SLC16A8: variants seen among roughly 807,000 people sequenced by gnomAD.
SLC16A8 encodes monocarboxylate transporter 3.
In SLC16A8, 20 loss-of-function variants were observed where a neutral mutation model predicts 22.4. The observed-to-expected ratio is 0.89, with a 90% CI of 0.63 to 1.30. The LOEUF is 1.30. Among genes scored for constraint, SLC16A8 ranks in the 50% most tolerant of loss-of-function variants. The pLI is 0.00. For synonymous variants in SLC16A8, 393 were observed against 358.8 expected, an observed-to-expected ratio of 1.10 and a Z score of -1.08; for missense variants, 817 against 740.3, an observed-to-expected ratio of 1.10 and a Z score of -1.20.
intron 3 of SLC16A8, among the ~76,000 whole-genome samples, chr22:38,082,337 A>G (rs946212126): frequency 5.9e-5 from 9 of 152,322 alleles, no homozygotes; most frequent in African/African-American, 1.9e-4. Flanking sequence ...TGGGAACTCC[A>G]GCAAGCCCCC....
At position 38,081,076 on chromosome 22, in the gene SLC16A8, T is replaced by TA; in HGVS notation, c.961dup (p.Tyr321LeufsTer90). On this transcript the variant is annotated frameshift_variant, in exon 5 of 6. Coordinates refer to ENST00000681075, the MANE Select transcript of SLC16A8 (RefSeq NM_013356.3). LOFTEE classifies it high-confidence loss of function. ...GGCCAGCAGGGCCAGGCTGAACAGATACGGGACGTGCGGCCGCAGACGCGC... is the reference window on the plus strand; with the variant it reads ...GGCCAGCAGGGCCAGGCTGAACAGATAACGGGACGTGCGGCCGCAGACGCGC... The TA allele has an allele frequency of 6.4e-7, 1 of 1,573,458 alleles. No individual in the cohort carries two copies. Among genetic ancestry groups the TA allele is most frequent in the Non-Finnish European group, 8.6e-7 (1 of 1,164,060 alleles).
rs2085941184 is a variant in SLC16A8 at position 38,082,843 on chromosome 22, C to T, written c.31G>A (p.Gly11Ser). MGAGGPRRGE[G>S]PPDGGWGWVV... ...CAGCCCCAGCCGCCGTCTGGGGGGC[C>T]CTCGCCCCGCCGGGGGCCGCCAGCG... The change falls in exon 3 of 6, where the codon GGC becomes AGC. Residue 11 changes from glycine to serine, a missense_variant. Coordinates refer to ENST00000681075, the MANE Select transcript of SLC16A8 (RefSeq NM_013356.3). The T allele has an allele frequency of 6.4e-7, 1 of 1,561,914 alleles. No homozygotes were observed. The highest frequency in any genetic ancestry group is 8.6e-7 in the Non-Finnish European group (1 of 1,158,678).
chr22:38,083,476 G>T (rs998623469), intron 1 of SLC16A8, 115 bp from the exon 2 acceptor site: 1 of 152,328 alleles, frequency 6.6e-6, no homozygotes, highest in Non-Finnish European at 1.5e-5. Context: ...GACTTGGGCC[G>T]GTCGCCTCCC....
Position 38,082,821 on chromosome 22 carries a change from C to T in SLC16A8, c.53G>A (p.Gly18Asp). 6.3e-7 allele frequency: 1 copy of T among 1,582,234 alleles called. No homozygotes were observed. The highest frequency in any genetic ancestry group is 8.6e-7 in the Non-Finnish European group (1 of 1,168,592). The change falls in exon 3 of 6, where the codon GGC becomes GAC. Residue 18 changes from glycine (G) to aspartate (D), a missense_variant. Gly to Asp is a moderately conservative substitution (Grantham distance 94). Transcript: ENST00000681075. ...AAAGCAGGCGCCCAGCACCACCCAG[C>T]CCCAGCCGCCGTCTGGGGGGCCCTC... ...RGEGPPDGGW[G>D]WVVLGACFVV... is the part of the protein sequence containing the mutation.
rs1212400361 is a variant in SLC16A8, at chr22:38,078,661, G to A, written c.1242C>T (p.Tyr414=). The change falls in exon 6 of 6, where the codon TAC becomes TAT. Residue 414 remains tyrosine, a synonymous_variant. Coordinates refer to ENST00000681075, the MANE Select transcript of SLC16A8 (RefSeq NM_013356.3). ...DVLKNYEIIF[Y]LAGSEVALAG... ...CCAGGGCCACCTCAGAGCCGGCCAG[G>A]TAGAAGATGATCTCATAGTTCTTCA... The A allele has an allele frequency of 6.2e-7, 1 of 1,612,824 alleles. No homozygotes were observed. The highest frequency in any genetic ancestry group is 1.3e-5 in the African/African-American group (1 of 74,934).
In SLC16A8 at chr22:38,081,543, CT is replaced by C; in HGVS notation, c.494del (p.Gln165ArgfsTer30). On this transcript the variant is annotated frameshift_variant, in exon 5 of 6. Coordinates refer to ENST00000681075, the MANE Select transcript of SLC16A8 (RefSeq NM_013356.3). LOFTEE classifies it high-confidence loss of function. ...GCCAGCCGAAGCGCTCCAGCAGCTG[CT>C]GGCCGAGCGGCGACAGCGCGGACAG... is the stretch of plus-strand genomic sequence containing the variant. ...VFLSALSPLG[Q>X]QLLERFGWRG... The C allele has an allele frequency of 6.8e-7, 1 of 1,475,588 alleles. No homozygotes were observed. Among genetic ancestry groups the C allele is most frequent in the Admixed American group, 2.5e-5 (1 of 40,422 alleles). 91.4% of individuals were successfully genotyped at this position (1,475,588 alleles called of 1,614,324 possible).
intron 5 of SLC16A8, 51 bp downstream of exon 5, chr22:38,080,789 C>T (rs553875195): frequency 3.3e-5 from 48 of 1,434,604 alleles, no homozygotes; most frequent in Non-Finnish European, 4.3e-5. Context: ...TGGAGCTTCC[C>T]TGGGTCTAAG....
chr22:38,081,601 T>A lies in SLC16A8; in HGVS notation c.437A>T (p.Asn146Ile). Residue 146 changes from asparagine to isoleucine, a missense_variant, in exon 5 of 6, where the codon AAC becomes ATC. By Grantham distance (149) the Asn-to-Ile change is moderately radical. Coordinates refer to ENST00000681075, the MANE Select transcript of SLC16A8 (RefSeq NM_013356.3). ...LYFERRRPLA[N>I]GLAAAGSPVF... ...GGGGCTGCCCGCCGCCGCCAGCCCG[T>A]TGGCCAGAGGCCGCCGCCGCTCGAA... The A allele has an allele frequency of 6.6e-7, 1 of 1,518,484 alleles. No individual in the cohort carries two copies. Among genetic ancestry groups the A allele is most frequent in the Non-Finnish European group, 8.8e-7 (1 of 1,140,130 alleles). 94.1% of individuals were successfully genotyped at this position (1,518,484 alleles called of 1,614,324 possible).
At chr22:38,080,251 C>T (rs374733893) in intron 5 of SLC16A8, among the ~76,000 whole-genome samples, 1 of 152,286 alleles carries the variant, frequency 6.6e-6, no homozygotes, top group South Asian at 2.1e-4. Context: ...GGGGGATATT[C>T]CAGGAAGCCT....
rs201452730 is a variant in SLC16A8 at position 38,078,688 on chromosome 22, C to T, written c.1215G>A (p.Val405=). 16 of 1,606,850 alleles carry T rather than the reference C, an allele frequency of 1.0e-5. No individual in the cohort carries two copies. The highest frequency in any genetic ancestry group is 3.3e-4 in the Middle Eastern group (2 of 6,048). ...AGAAGATGATCTCATAGTTCTTCAA[C>T]ACATCCACCAGGCGGCCTGGGGAGG... is the stretch of plus-strand genomic sequence containing the variant. ...GPPSAGRLVD[V]LKNYEIIFYL... The change falls in exon 6 of 6, where the codon GTG becomes GTA. Residue 405 remains valine, a synonymous_variant. Transcript: ENST00000681075.
chr22:38,080,141 T>A (rs1479772371), intron 5 of SLC16A8, among the ~76,000 whole-genome samples: 1 of 151,966 alleles, frequency 6.6e-6, no homozygotes, highest in African/African-American at 2.4e-5. Flanking sequence ...AACCCTCATG[T>A]CCCCCACTCC....
rs546955144 is a variant in SLC16A8, at chr22:38,078,405, C to G, written c.1498G>C (p.Ala500Pro). The G allele has an allele frequency of 9.2e-5, 147 of 1,601,322 alleles. No individual in the cohort carries two copies. The highest frequency in any genetic ancestry group is 6.2e-4 in the Admixed American group (37 of 59,898). Residue 500 changes from alanine to proline, a missense_variant, in exon 6 of 6, where the codon GCT (alanine) becomes CCT (proline). Ala to Pro is a conservative substitution (Grantham distance 27). Coordinates refer to ENST00000681075, the MANE Select transcript of SLC16A8 (RefSeq NM_013356.3). ...ACCCTGAGTTATACAGACTCGGCAG[C>G]CAGCCTCGGCCTCGCCTCTATTTCT... ...EPEIEARPRL[A>P]AESV is the part of the protein sequence containing the mutation.
Position 38,081,000 on chromosome 22 carries a change from G to T in SLC16A8, c.1038C>A (p.Leu346=), listed in dbSNP as rs2085906708. The part of the protein sequence containing the change: ...SSARARSYGA[L]VAFCVAFGLS... ...GGCCGAAGGCGACGCAGAAGGCGAC[G>T]AGGGCGCCGTAGGAGCGCGCGCGTG... Residue 346 remains leucine (L), a synonymous_variant, in exon 5 of 6, where the codon CTC becomes CTA. Transcript: ENST00000681075. The T allele has an allele frequency of 1.3e-6, 2 of 1,598,656 alleles. No homozygotes were observed. The highest frequency in any genetic ancestry group is 1.3e-5 in the African/African-American group (1 of 75,014).
At position 38,079,851 on chromosome 22, in the gene SLC16A8, C is replaced by T. The variant is rs566623967; in HGVS notation, c.1198+989G>A. On this transcript the variant is annotated intron_variant, in intron 5 of 5. Transcript: ENST00000681075. ...CCAGATTCACACAAGAAATGGAAGACGGTTCCTTGAGGCCTGGGCAGGCTG... is the reference window on the plus strand; with the variant it reads ...CCAGATTCACACAAGAAATGGAAGATGGTTCCTTGAGGCCTGGGCAGGCTG... 1.1e-4 allele frequency among the ~76,000 whole-genome samples: 16 copies of T among 152,366 alleles called. No homozygotes were observed. In the East Asian group the frequency reaches 1.5e-3, roughly 15 times the overall value.
Position 38,081,295 on chromosome 22 carries a change from C to G in SLC16A8, c.743G>C (p.Cys248Ser), listed in dbSNP as rs776828980. ...GTACACGGCGAAGGCGCGGTCGGTG[C>G]ACACTGCCAAGTCCAGCAGGCGCCG... ...PRRRLLDLAV[C>S]TDRAFAVYAV... Residue 248 changes from cysteine to serine, a missense_variant, in exon 5 of 6, where the codon TGC (cysteine) becomes TCC (serine). Physicochemically the swap from Cys to Ser is moderately radical, Grantham distance 112 (BLOSUM62 -1). Transcript: ENST00000681075. 3.1e-5 allele frequency: 48 copies of G among 1,561,070 alleles called. No homozygotes were observed. Among genetic ancestry groups the G allele is most frequent in the Non-Finnish European group, 4.2e-5 (48 of 1,152,816 alleles).
At chr22:38,079,470 G>A (rs542615494) in intron 5 of SLC16A8, among the ~76,000 whole-genome samples, 61 of 152,256 alleles carry the variant, frequency 4.0e-4, no homozygotes, top group Non-Finnish European at 7.9e-4. Flanking sequence ...GGCCCAGGCT[G>A]GAATGTAGTG....
At chr22:38,083,536 C>T (rs544775096) in intron 1 of SLC16A8, among the ~76,000 whole-genome samples, 175 bp from the exon 2 acceptor site, 2 of 152,290 alleles carry the variant, frequency 1.3e-5, no homozygotes, top group Admixed American at 1.3e-4. Context: ...TTGATCACCC[C>T]GAGGCCAGCT....
Position 38,079,295 on chromosome 22 carries a change from T to C in SLC16A8, c.1199-591A>G, listed in dbSNP as rs571185508. Among the ~76,000 whole-genome samples, 7 of 152,330 alleles carry C rather than the reference T, an allele frequency of 4.6e-5. No individual in the cohort carries two copies. In the South Asian group the frequency reaches 1.4e-3, roughly 32 times the overall value. The stretch of plus-strand genomic sequence containing the variant: ...GGAAAGTCTCTCTTTTATTATGTTT[T>C]TTTTAGGGATGGGGTCTTGCTGTGT... On this transcript the variant is annotated intron_variant, in intron 5 of 5. Coordinates refer to ENST00000681075, the MANE Select transcript of SLC16A8 (RefSeq NM_013356.3).
chr22:38,082,061 G>A (rs747690771), intron 3 of SLC16A8, 29 bp from the exon 4 acceptor site: 3 of 1,554,684 alleles, frequency 1.9e-6, no homozygotes, highest in South Asian at 1.2e-5. Flanking sequence ...CACCACCCGG[G>A]TCCCGGGATG....
Sources: allele counts gnomAD v4.1 joint callset (sites outside exome capture counted in the v4.1 genomes callset), GRCh38; gene constraint gnomAD v4.1.1; transcripts MANE v1.5; gene names NCBI Gene and HGNC (gene_info 2026-07-23, HGNC 2026-07-21).